The following DENND2B variants were observed in gnomAD, a reference collection of about 807,000 sequenced individuals.
DENND2B encodes the protein DENN domain containing 2B, also known as DENN domain-containing protein 2B.
A neutral mutation model predicts 116.0 loss-of-function variants in DENND2B; 32 were observed. The ratio of observed to expected loss-of-function variants is 0.28; its 90% CI spans 0.21 to 0.37. DENND2B has a LOEUF of 0.37. Among genes scored for constraint, DENND2B ranks in the 10% least tolerant of loss-of-function variants. DENND2B has a pLI of 1.00. For synonymous variants in DENND2B, 588 were observed against 583.9 expected (o/e 1.01, Z -0.10); for missense variants, 1,276 against 1,477.7 (o/e 0.86, Z 2.24).
At chr11:8,805,913 C>T (rs948831587) in intron 1 of DENND2B, among the ~76,000 whole-genome samples, 2 of 152,198 alleles carry the variant, frequency 1.3e-5, no homozygotes, top group Non-Finnish European at 2.9e-5. Context: ...GCACCAGAGA[C>T]ACCTCTGAGC....
At chr11:8,767,523 T>G (rs961363379) in intron 1 of DENND2B, among the ~76,000 whole-genome samples, 5 of 152,240 alleles carry the variant, frequency 3.3e-5, no homozygotes, top group African/African-American at 1.2e-4. Context: ...GGACAAGGAC[T>G]GTGTTGTTCA....
intron 1 of DENND2B, among the ~76,000 whole-genome samples, chr11:8,794,307 C>G (rs1429608400): frequency 6.6e-6 from 1 of 152,206 alleles, no homozygotes; most frequent in Non-Finnish European, 1.5e-5. Context: ...GTATTCTCAC[C>G]TCTCAACTCC....
chr11:8,896,592 A>G (rs909721809), intron 1 of DENND2B, among the ~76,000 whole-genome samples: 1 of 152,216 alleles, frequency 6.6e-6, no homozygotes, highest in South Asian at 2.1e-4. Flanking sequence ...GGTTTTTTCA[A>G]CTTTATGATG....
chr11:8,783,373 C>T (rs2058589023), intron 1 of DENND2B, among the ~76,000 whole-genome samples: 1 of 152,156 alleles, frequency 6.6e-6, no homozygotes, highest in South Asian at 2.1e-4. Context: ...AATAACAATT[C>T]ATCCATACAA....
At chr11:8,801,689 A>AAAAAAAAAGAAAG (rs56084309) in intron 1 of DENND2B, among the ~76,000 whole-genome samples, 6 of 117,698 alleles carry the variant, frequency 5.1e-5, no homozygotes, top group African/African-American at 1.6e-4. Context: ...AAAAAAAAAA[A>AAAAAAAAAGAAAG]AAAGAAAGAA....
chr11:8,880,010 G>C (rs1254290390), intron 2 of DENND2B, among the ~76,000 whole-genome samples: 1 of 152,188 alleles, frequency 6.6e-6, no homozygotes, highest in Non-Finnish European at 1.5e-5. Context: ...GGTACCAATA[G>C]AATGGTGGTG....
intron 1 of DENND2B, among the ~76,000 whole-genome samples, chr11:8,769,634 ACCCTG>A (rs1418694292): frequency 6.6e-6 from 1 of 151,878 alleles, no homozygotes; most frequent in Admixed American, 6.6e-5. Flanking sequence ...TGCTCATGGG[ACCCTG>A]CAGTCAGCTG....
In DENND2B at chr11:8,712,193, T is replaced by C. The variant is rs948036061; in HGVS notation, c.2172+358A>G. Among the ~76,000 whole-genome samples, 55 of 152,128 alleles carry C rather than the reference T, an allele frequency of 3.6e-4. No homozygotes were observed. Among genetic ancestry groups the C allele is most frequent in the African/African-American group, 1.3e-3 (54 of 41,488 alleles). On this transcript the variant is annotated intron_variant, in intron 9 of 19. Coordinates refer to ENST00000313726, the MANE Select transcript of DENND2B (RefSeq NM_213618.2). The surrounding 1 kb of genome is among the most constrained non-coding windows in gnomAD (Gnocchi z 4.4). ...GTGGGTGCAGAGTTTCTCTTTGGGG[T>C]GATAAAAATGTTCTAAAATTGACTG...
chr11:8,769,150 C>T (rs1203327070), intron 1 of DENND2B, among the ~76,000 whole-genome samples: 1 of 152,136 alleles, frequency 6.6e-6, no homozygotes, highest in African/African-American at 2.4e-5. Flanking sequence ...AGCCCAAGTG[C>T]TGACACATTT....
intron 4 of DENND2B, among the ~76,000 whole-genome samples, chr11:8,824,853 A>ATTTTTTTT (rs371924172): frequency 1.5e-5 from 2 of 130,238 alleles, no homozygotes; most frequent in Non-Finnish European, 3.2e-5. Context: ...ACACCCAGCT[A>ATTTTTTTT]TTTTTTTTTT....
intron 2 of DENND2B, among the ~76,000 whole-genome samples, chr11:8,737,438 G>C (rs1351142203): frequency 2.0e-5 from 3 of 152,202 alleles, no homozygotes; most frequent in Admixed American, 2.0e-4. Flanking sequence ...GTAAGAGAAG[G>C]ACTGAGAAAT....
intron 1 of DENND2B, among the ~76,000 whole-genome samples, chr11:8,773,764 C>G (rs984415973): frequency 6.6e-6 from 1 of 152,054 alleles, no homozygotes; most frequent in Admixed American, 6.6e-5. Flanking sequence ...TCCCCACCCC[C>G]AATGAATTCT....
intron 1 of DENND2B, among the ~76,000 whole-genome samples, chr11:8,903,128 G>T (rs1016937297): frequency 7.2e-5 from 11 of 152,130 alleles, no homozygotes; most frequent in Non-Finnish European, 1.0e-4. Flanking sequence ...AAAGTGCTGG[G>T]ATTACAGGCA....
chr11:8,815,727 T>A (rs1199034783), intron 4 of DENND2B, among the ~76,000 whole-genome samples: 1 of 152,248 alleles, frequency 6.6e-6, no homozygotes, highest in East Asian at 1.9e-4. Flanking sequence ...AGCGTTGATA[T>A]CACTTTATCA....
rs1305283428 is a variant in DENND2B, at chr11:8,712,861, C to T, written c.1988-126G>A. The T allele has an allele frequency of 9.9e-7, 1 of 1,009,764 alleles. No homozygotes were observed. Among genetic ancestry groups the T allele is most frequent in the Non-Finnish European group, 1.4e-6 (1 of 710,826 alleles). The allele number at this position is 1,009,764 out of a possible 1,614,324, so 62.6% of individuals were successfully genotyped here. A position where few individuals can be genotyped will look rare whatever the true frequency, so the allele number is the denominator to read the frequency against. On this transcript the variant is annotated intron_variant, in intron 8 of 19. Coordinates refer to ENST00000313726, the MANE Select transcript of DENND2B (RefSeq NM_213618.2). This position sits in a 1 kb window ranked among gnomAD's most constrained non-coding sequence, Gnocchi z 4.4. The stretch of plus-strand genomic sequence containing the variant: ...ACGTGAGCCTAGTCTGATACCATCC[C>T]CAGCTCACAGTGCAGGAGGACCGGC...
chr11:8,749,030 T>C (rs1460297528), intron 2 of DENND2B, among the ~76,000 whole-genome samples: 3 of 152,118 alleles, frequency 2.0e-5, no homozygotes, highest in Admixed American at 6.6e-5. Context: ...AAATTACAAA[T>C]AAAATGACAC....
chr11:8,724,027 G>A (rs2046644220), intron 4 of DENND2B, among the ~76,000 whole-genome samples: 1 of 152,252 alleles, frequency 6.6e-6, no homozygotes, highest in South Asian at 2.1e-4. Context: ...CCAGGCTTCT[G>A]GCTCACGCCT....
At chr11:8,801,689 A>AAAAAAG (rs56084309) in intron 1 of DENND2B, among the ~76,000 whole-genome samples, 3 of 117,696 alleles carry the variant, frequency 2.5e-5, no homozygotes, top group African/African-American at 6.6e-5. Flanking sequence ...AAAAAAAAAA[A>AAAAAAG]AAAGAAAGAA....
chr11:8,794,522 G>A (rs1213993498), intron 1 of DENND2B, among the ~76,000 whole-genome samples: 1 of 152,204 alleles, frequency 6.6e-6, no homozygotes, highest in African/African-American at 2.4e-5. Context: ...AACTAATGAA[G>A]GAAGGTAAGA....
Sources: allele counts gnomAD v4.1 joint callset (sites outside exome capture counted in the v4.1 genomes callset), GRCh38; gene constraint gnomAD v4.1.1; non-coding constraint Gnocchi (gnomAD v3.1); transcripts MANE v1.5; gene names NCBI Gene and HGNC (gene_info 2026-07-23, HGNC 2026-07-21).